PTN: variants seen among roughly 807,000 people sequenced by gnomAD.
PTN encodes the protein pleiotrophin.
PTN carries 18 observed loss-of-function variants against 24.1 expected under a neutral mutation model. The ratio of observed to expected loss-of-function variants is 0.75; its 90% CI spans 0.52 to 1.11. The LOEUF is 1.11. Among genes scored for constraint, PTN ranks in the 50% least tolerant of loss-of-function variants. The pLI is 0.00. For missense variants in PTN, 163 were observed against 198.8 expected, an observed-to-expected ratio of 0.82 and a Z score of 1.08; for synonymous variants, 78 against 68.6, an observed-to-expected ratio of 1.14 and a Z score of -0.67.
intron 1 of PTN, among the ~76,000 whole-genome samples, chr7:137,286,844 C>T (rs1809563388): frequency 6.6e-6 from 1 of 152,158 alleles, no homozygotes. Flanking sequence ...TAAGCCTTAA[C>T]TAATTTTCAG....
chr7:137,315,972 A>G (rs1278730837), intron 1 of PTN, among the ~76,000 whole-genome samples: 4 of 152,166 alleles, frequency 2.6e-5, no homozygotes. Context: ...CCTGTCAAAT[A>G]AAACCATGTC....
chr7:137,295,057 T>C (rs1478497497), intron 1 of PTN, among the ~76,000 whole-genome samples: 1 of 152,148 alleles, frequency 6.6e-6, no homozygotes, highest in East Asian at 1.9e-4. Flanking sequence ...CAGTAGTCAC[T>C]AGCCACTTGT....
At chr7:137,234,283 C>A (rs762709478) in intron 4 of PTN, among the ~76,000 whole-genome samples, 1 of 151,856 alleles carries the variant, frequency 6.6e-6, no homozygotes, top group African/African-American at 2.4e-5. Context: ...AATAATGATG[C>A]AATGCTGATT....
intron 1 of PTN, among the ~76,000 whole-genome samples, chr7:137,334,217 C>A (rs1451728561): frequency 4.1e-5 from 6 of 147,112 alleles, no homozygotes; most frequent in Non-Finnish European, 7.5e-5. Context: ...TAAAGAGCTT[C>A]TGCACAGCAA....
At chr7:137,258,741 T>C (rs2128872157) in intron 1 of PTN, among the ~76,000 whole-genome samples, 1 of 152,266 alleles carries the variant, frequency 6.6e-6, no homozygotes, top group South Asian at 2.1e-4. Context: ...TTGCTTGTGA[T>C]ATTTGCATAG....
intron 4 of PTN, among the ~76,000 whole-genome samples, chr7:137,239,097 A>G (rs566656512): frequency 6.6e-6 from 1 of 152,300 alleles, no homozygotes; most frequent in East Asian, 1.9e-4. Flanking sequence ...TAAACCTACA[A>G]ATATTTATAG....
rs138811382 is a variant in PTN, at chr7:137,264,439, G to A, written c.-1-9465C>T. ...CCCGCGATGAGTTTCCTCATGCTTC[G>A]GCCATGAGTGGACCAGTCAGCTTCC... On this transcript the variant is annotated intron_variant, in intron 1 of 4. Coordinates refer to ENST00000348225, the MANE Select transcript of PTN (RefSeq NM_002825.7). Among the ~76,000 whole-genome samples the A allele has an allele frequency of 8.5e-4, 129 of 152,204 alleles. 1 individual carries two copies. In the East Asian group the frequency reaches 0.022, roughly 26 times the overall value.
At chr7:137,272,004 C>T (rs1333303056) in intron 1 of PTN, among the ~76,000 whole-genome samples, 2 of 152,120 alleles carry the variant, frequency 1.3e-5, no homozygotes, top group East Asian at 1.9e-4. Context: ...CCCTCTTGCC[C>T]CTTCATCTTT....
intron 1 of PTN, among the ~76,000 whole-genome samples, chr7:137,312,069 C>A (rs1380889480): frequency 6.6e-6 from 1 of 152,144 alleles, no homozygotes; most frequent in Non-Finnish European, 1.5e-5. Context: ...TTTTAAGACA[C>A]AGGTGGCAAC....
intron 4 of PTN, among the ~76,000 whole-genome samples, chr7:137,242,849 G>T (rs1018612130): frequency 6.6e-6 from 1 of 152,152 alleles, no homozygotes; most frequent in African/African-American, 2.4e-5. Context: ...CCCACGGACG[G>T]GTCCATCCGG....
chr7:137,318,243 G>A (rs953145971), intron 1 of PTN, among the ~76,000 whole-genome samples: 13 of 152,184 alleles, frequency 8.5e-5, no homozygotes, highest in Non-Finnish European at 1.6e-4. Context: ...ACTCCAGACC[G>A]GGCAACAGTG....
chr7:137,324,433 A>AATATATATAT (rs71176396), intron 1 of PTN, among the ~76,000 whole-genome samples: 4 of 88,748 alleles, frequency 4.5e-5, no homozygotes, highest in African/African-American at 2.1e-4. Flanking sequence ...AAAAAAAAAA[A>AATATATATAT]ATATATATAT....
chr7:137,337,090 C>T (rs1378233664), intron 1 of PTN, among the ~76,000 whole-genome samples: 1 of 152,152 alleles, frequency 6.6e-6, no homozygotes, highest in African/African-American at 2.4e-5. Context: ...GTCCAGGGTC[C>T]TTGATTCCAC....
intron 4 of PTN, among the ~76,000 whole-genome samples, chr7:137,229,736 T>C (rs1345930030): frequency 6.6e-6 from 1 of 151,858 alleles, no homozygotes; most frequent in African/African-American, 2.4e-5. Flanking sequence ...TCACGCTCTC[T>C]ATTTTTGTTT....
At chr7:137,245,106 T>C (rs1266618421) in intron 4 of PTN, among the ~76,000 whole-genome samples, 1 of 152,198 alleles carries the variant, frequency 6.6e-6, no homozygotes, top group Non-Finnish European at 1.5e-5. Flanking sequence ...ACCAAGTGGT[T>C]TGCATATTAA....
chr7:137,300,579 A>G (rs1010936372), intron 1 of PTN, among the ~76,000 whole-genome samples: 1 of 151,894 alleles, frequency 6.6e-6, no homozygotes, highest in Admixed American at 6.6e-5. Context: ...AGACACAGTA[A>G]AGCCTGCCAA....
chr7:137,251,711 C>T (rs1808830847), intron 3 of PTN, among the ~76,000 whole-genome samples: 2 of 151,478 alleles, frequency 1.3e-5, no homozygotes, highest in South Asian at 4.1e-4. Context: ...CCTCCTTAAT[C>T]CCCGGCAACT....
Position 137,324,433 on chromosome 7 carries a change from A to AAAT in PTN, c.-2+19005_-2+19006insATT. 8.9e-4 allele frequency among the ~76,000 whole-genome samples: 79 copies of AAAT among 88,760 alleles called. 1 individual carries two copies. Among genetic ancestry groups the AAAT allele is most frequent in the Middle Eastern group, 5.7e-3 (1 of 174 alleles). 58.2% of individuals were successfully genotyped at this position (88,760 alleles called of 152,430 possible). A position where few individuals can be genotyped will look rare whatever the true frequency, so the allele number is the denominator to read the frequency against. On this transcript the variant is annotated intron_variant, in intron 1 of 4. Coordinates refer to ENST00000348225, the MANE Select transcript of PTN (RefSeq NM_002825.7). ...CCCTGTCTCTAAAAAAAAAAAAAAA[A>AAAT]ATATATATATATATATATAAATTAA...
Position 137,266,733 on chromosome 7 carries a change from T to C in PTN, c.-1-11759A>G, listed in dbSNP as rs111878198. On this transcript the variant is annotated intron_variant, in intron 1 of 4. Transcript: ENST00000348225. Reference sequence around the variant, plus strand: ...AAGGCCACAAGATTAGAAGTTACTATAATACATGTTACACTGTTAACTTTT... The same window carrying C: ...AAGGCCACAAGATTAGAAGTTACTACAATACATGTTACACTGTTAACTTTT... 2.6e-3 allele frequency among the ~76,000 whole-genome samples: 400 copies of C among 152,006 alleles called. 4 individuals are homozygous for C. The highest frequency in any genetic ancestry group is 9.2e-3 in the African/African-American group (381 of 41,516).
Sources: allele counts gnomAD v4.1 joint callset (sites outside exome capture counted in the v4.1 genomes callset), GRCh38; gene constraint gnomAD v4.1.1; transcripts MANE v1.5; gene names NCBI Gene and HGNC (gene_info 2026-07-23, HGNC 2026-07-21).